Variants in GLIS3 observed in about 807,000 individuals in gnomAD.
The protein encoded by GLIS3 is zinc finger protein GLIS3.
Under a neutral mutation model 78.6 loss-of-function variants are expected in GLIS3, and 53 were observed. That is an observed-to-expected ratio of 0.67 (90% CI 0.54 to 0.85). The LOEUF is 0.85. Among genes scored for constraint, GLIS3 ranks in the 40% least tolerant of loss-of-function variants. The probability of loss-of-function intolerance (pLI) is 0.00; values close to 1 mark genes in which losing one functional copy is unlikely to be tolerated. For missense variants in GLIS3, 1,703 were observed against 1,231.1 expected, an observed-to-expected ratio of 1.38 and a Z score of -5.74; for synonymous variants, 684 against 509.9, an observed-to-expected ratio of 1.34 and a Z score of -4.60.
intron 4 of GLIS3, among the ~76,000 whole-genome samples, chr9:3,962,017 C>G (rs1386804358): frequency 6.6e-6 from 1 of 151,914 alleles, no homozygotes; most frequent in East Asian, 1.9e-4. Context: ...ACACCCTGGG[C>G]AAAATAGTGA....
At chr9:4,483,443 GGT>G in the GLIS3 span, among the ~76,000 whole-genome samples, 8 of 152,070 alleles carry the variant, frequency 5.3e-5, no homozygotes, top group Non-Finnish European at 1.0e-4. Context: ...TTGGTGGCTG[GGT>G]GCGGTGGCTC....
chr9:4,159,050 G>A (rs1165452437), intron 2 of GLIS3, among the ~76,000 whole-genome samples: 147 of 82,706 alleles, frequency 1.8e-3, no homozygotes, highest in African/African-American at 4.0e-3. Flanking sequence ...AAAAAAAAAA[G>A]CCAGGCTAGC....
At chr9:4,103,075 A>G (rs977615075) in intron 4 of GLIS3, among the ~76,000 whole-genome samples, 1 of 152,220 alleles carries the variant, frequency 6.6e-6, no homozygotes, top group African/African-American at 2.4e-5. Flanking sequence ...TTTTATTGCC[A>G]TAGACATGAA....
intron 4 of GLIS3, among the ~76,000 whole-genome samples, chr9:4,010,143 G>C (rs963845769): frequency 6.6e-6 from 1 of 152,146 alleles, no homozygotes; most frequent in Non-Finnish European, 1.5e-5. Context: ...GGTGAGGGCA[G>C]GGGTAACAAG....
intron 4 of GLIS3, among the ~76,000 whole-genome samples, chr9:3,985,347 C>T (rs7022302): frequency 0.027 from 4,049 of 152,138 alleles, 186 homozygotes; most frequent in African/African-American, 0.093. Flanking sequence ...AGGGTTTCAC[C>T]GTGTTGCCCA....
chr9:4,025,840 T>G (rs920308121), intron 4 of GLIS3, among the ~76,000 whole-genome samples: 1 of 152,162 alleles, frequency 6.6e-6, no homozygotes, highest in Non-Finnish European at 1.5e-5. Context: ...CTAACAGTAT[T>G]TAAATCATGG....
chr9:4,200,954 C>A (rs1356302591), intron 2 of GLIS3, among the ~76,000 whole-genome samples: 1 of 152,104 alleles, frequency 6.6e-6, no homozygotes, highest in Admixed American at 6.5e-5. Flanking sequence ...TCTAGCAAAC[C>A]AAATTCAGCA....
At chr9:4,369,264 C>T in the GLIS3 span, among the ~76,000 whole-genome samples, 53,208 of 151,814 alleles carry the variant, frequency 0.35, 9,576 homozygotes, top group Middle Eastern at 0.45. Flanking sequence ...TTAAGAATCC[C>T]AGGAAGGGAA....
At chr9:4,474,950 C>G in the GLIS3 span, among the ~76,000 whole-genome samples, 1 of 146,030 alleles carries the variant, frequency 6.8e-6, no homozygotes, top group South Asian at 2.2e-4. Context: ...CTGCTCCAAA[C>G]TTAAAGGAAA....
At chr9:4,088,764 C>T (rs998918446) in intron 4 of GLIS3, among the ~76,000 whole-genome samples, 19 of 152,154 alleles carry the variant, frequency 1.2e-4, no homozygotes, top group Admixed American at 2.0e-4. Context: ...TTTACTATGA[C>T]GGAAATAAAA....
the GLIS3 span, among the ~76,000 whole-genome samples, chr9:4,432,775 G>C: frequency 6.6e-6 from 1 of 151,548 alleles, no homozygotes; most frequent in Non-Finnish European, 1.5e-5. Context: ...CGAGTAGCTG[G>C]GATTATAGGC....
At chr9:4,454,648 T>A in the GLIS3 span, among the ~76,000 whole-genome samples, 1 of 152,168 alleles carries the variant, frequency 6.6e-6, no homozygotes, top group Non-Finnish European at 1.5e-5. Flanking sequence ...AGTAAATGCA[T>A]CTCTATTTCT....
At chr9:3,947,331 C>T (rs150690726) in intron 4 of GLIS3, among the ~76,000 whole-genome samples, 1 of 152,350 alleles carries the variant, frequency 6.6e-6, no homozygotes, top group East Asian at 1.9e-4. Flanking sequence ...TTGCTGAATT[C>T]TGTCATCTCT....
chr9:4,291,411 A>G (rs1815964770), intron 1 of GLIS3, among the ~76,000 whole-genome samples: 1 of 152,144 alleles, frequency 6.6e-6, no homozygotes, highest in South Asian at 2.1e-4. Context: ...GAACCTGTGC[A>G]ATCTAATCAG....
chr9:4,280,992 C>T (rs1229920108), intron 2 of GLIS3, among the ~76,000 whole-genome samples: 1 of 152,068 alleles, frequency 6.6e-6, no homozygotes, highest in Non-Finnish European at 1.5e-5. Context: ...TCTTGGTTCC[C>T]CTAGGCCAAA....
At chr9:4,153,133 C>A (rs1363304075) in intron 2 of GLIS3, among the ~76,000 whole-genome samples, 3 of 152,194 alleles carry the variant, frequency 2.0e-5, no homozygotes, top group Admixed American at 1.3e-4. Context: ...TGCCAAATGT[C>A]CCCAAGGAGC....
chr9:4,135,963 A>G (rs528784753), intron 2 of GLIS3, among the ~76,000 whole-genome samples: 1 of 152,314 alleles, frequency 6.6e-6, no homozygotes, highest in African/African-American at 2.4e-5. Flanking sequence ...TAACAATTTA[A>G]TGAACATATG....
At position 4,126,487 on chromosome 9, in the gene GLIS3, T is replaced by TA. The variant is rs397893893; in HGVS notation, c.389-547dup. On this transcript the variant is annotated intron_variant, in intron 2 of 10. Coordinates refer to ENST00000381971, the MANE Select transcript of GLIS3 (RefSeq NM_001042413.2). ...GTCATTGGACATCTACTCAATTTTTTAAAATATCAGGATGAGAGAGTTGTA... is the reference window on the plus strand; with the variant it reads ...GTCATTGGACATCTACTCAATTTTTTAAAAATATCAGGATGAGAGAGTTGTA... Among the ~76,000 whole-genome samples the TA allele has an allele frequency of 1.7e-4, 26 of 152,202 alleles. No homozygotes were observed. In the South Asian group the frequency reaches 3.7e-3, roughly 22 times the overall value.
intron 2 of GLIS3, among the ~76,000 whole-genome samples, chr9:4,318,223 T>C (rs186888571): frequency 2.0e-5 from 3 of 152,250 alleles, no homozygotes; most frequent in East Asian, 1.9e-4. Context: ...GGAAGAGTTA[T>C]CTGGTGTTTG....
Sources: allele counts gnomAD v4.1 joint callset (sites outside exome capture counted in the v4.1 genomes callset), GRCh38; gene constraint gnomAD v4.1.1; transcripts MANE v1.5; gene names NCBI Gene and HGNC (gene_info 2026-07-23, HGNC 2026-07-21).